SEMA3A: variants seen among roughly 807,000 people sequenced by gnomAD.
SEMA3A encodes semaphorin-3A.
SEMA3A carries 29 observed loss-of-function variants against 97.9 expected under a neutral mutation model. That is an observed-to-expected ratio of 0.30 (90% CI 0.22 to 0.40). The LOEUF (loss-of-function observed/expected upper bound fraction) is 0.40, where lower values mean the gene tolerates loss of function less well. Ranked by LOEUF, SEMA3A falls within the 10% of genes least tolerant of loss-of-function variation. The pLI is 1.00. For synonymous variants in SEMA3A, 321 were observed against 323.7 expected (o/e 0.99, Z 0.09); for missense variants, 763 against 951.3 (o/e 0.80, Z 2.60).
intron 2 of SEMA3A, among the ~76,000 whole-genome samples, chr7:84,364,319 G>A (rs1278274733): frequency 6.6e-6 from 1 of 151,356 alleles, no homozygotes; most frequent in Non-Finnish European, 1.5e-5. Flanking sequence ...TTGTACATTG[G>A]CCTTAAAGAA....
chr7:83,974,621 A>G (rs535165289), intron 15 of SEMA3A, among the ~76,000 whole-genome samples: 1 of 152,242 alleles, frequency 6.6e-6, no homozygotes, highest in East Asian at 1.9e-4. Flanking sequence ...ATTTTTGCCC[A>G]TTTTACTTTC....
chr7:84,314,159 C>T (rs139779811), intron 2 of SEMA3A, among the ~76,000 whole-genome samples: 1 of 152,054 alleles, frequency 6.6e-6, no homozygotes, highest in African/African-American at 2.4e-5. Flanking sequence ...TAAAATTGGT[C>T]TATATCCTAG....
intron 3 of SEMA3A, among the ~76,000 whole-genome samples, chr7:84,225,974 C>T (rs1008455300): frequency 8.6e-5 from 13 of 151,946 alleles, no homozygotes; most frequent in African/African-American, 2.9e-4. Flanking sequence ...GTAAATTTCC[C>T]CTGAGAGCAC....
intron 3 of SEMA3A, among the ~76,000 whole-genome samples, chr7:84,295,403 G>T (rs1269484935): frequency 6.6e-6 from 1 of 151,848 alleles, no homozygotes; most frequent in Non-Finnish European, 1.5e-5. Context: ...TCTTTTGCTT[G>T]GGGCAAAATT....
intron 1 of SEMA3A, among the ~76,000 whole-genome samples, chr7:84,164,273 C>T (rs916772814): frequency 8.6e-5 from 13 of 152,010 alleles, no homozygotes; most frequent in Admixed American, 7.2e-4. Context: ...AATGCATTGC[C>T]GTGACTTATC....
rs191424570 is a variant in SEMA3A at position 84,274,974 on chromosome 7, G to T, written c.-83+32233C>A. Among the ~76,000 whole-genome samples, 454 of 151,994 alleles carry T rather than the reference G, an allele frequency of 3.0e-3. 2 individuals are homozygous for T. The highest frequency in any genetic ancestry group is 9.9e-3 in the African/African-American group (412 of 41,472). ...GCCAAGTCCACCATGAACTATAGGGGTGTTAATCCACATTTCCAGTAGATA... is the reference window on the plus strand; with the variant it reads ...GCCAAGTCCACCATGAACTATAGGGTTGTTAATCCACATTTCCAGTAGATA... On this transcript the variant is annotated intron_variant, in intron 3 of 3. Coordinates refer to the SEMA3A transcript ENST00000424555.
chr7:84,339,029 C>T (rs1802099453), intron 2 of SEMA3A, among the ~76,000 whole-genome samples: 2 of 152,088 alleles, frequency 1.3e-5, no homozygotes. Flanking sequence ...GTTCCATTCT[C>T]CAATTTGGTA....
chr7:84,060,225 G>T (rs917669366), intron 5 of SEMA3A, among the ~76,000 whole-genome samples: 1 of 152,176 alleles, frequency 6.6e-6, no homozygotes. Flanking sequence ...CATAGTAATT[G>T]AGAGGCCATT....
intron 1 of SEMA3A, among the ~76,000 whole-genome samples, chr7:84,392,229 G>GACAA (rs1040313824): frequency 2.0e-5 from 3 of 152,108 alleles, no homozygotes; most frequent in African/African-American, 7.2e-5. Flanking sequence ...TTACACCTTT[G>GACAA]ATTATCATCT....
chr7:84,290,970 A>G (rs1800727463), intron 3 of SEMA3A, among the ~76,000 whole-genome samples: 1 of 152,122 alleles, frequency 6.6e-6, no homozygotes, highest in Admixed American at 6.6e-5. Flanking sequence ...GAGAGCTAAC[A>G]TTTCTGATAA....
chr7:84,087,254 T>A (rs1409590348), intron 4 of SEMA3A, among the ~76,000 whole-genome samples: 1 of 152,194 alleles, frequency 6.6e-6, no homozygotes, highest in Non-Finnish European at 1.5e-5. Context: ...ATTAGAAGTG[T>A]GATTTTGTGT....
At chr7:84,365,183 T>C (rs1475776948) in intron 2 of SEMA3A, among the ~76,000 whole-genome samples, 1 of 151,636 alleles carries the variant, frequency 6.6e-6, no homozygotes, top group East Asian at 1.9e-4. Flanking sequence ...TAAATGATGT[T>C]GTGACAAGGA....
chr7:84,414,415 A>G (rs1291127590), intron 1 of SEMA3A, among the ~76,000 whole-genome samples: 1 of 151,552 alleles, frequency 6.6e-6, no homozygotes, highest in East Asian at 1.9e-4. Context: ...AAAAAACAGT[A>G]TTGTTATGTA....
chr7:84,362,137 G>A (rs553576765), intron 2 of SEMA3A, among the ~76,000 whole-genome samples: 4 of 151,838 alleles, frequency 2.6e-5, no homozygotes, highest in Non-Finnish European at 4.4e-5. Context: ...TTGGCCAGTC[G>A]TGGTGGCTCA....
chr7:84,285,970 CAAA>C (rs564063430), intron 3 of SEMA3A, among the ~76,000 whole-genome samples: 2 of 70,148 alleles, frequency 2.9e-5, no homozygotes, highest in African/African-American at 4.5e-5. Flanking sequence ...GACCCCATCT[CAAA>C]AAAAAAAAAA....
At chr7:84,091,464 A>G (rs374432000) in intron 4 of SEMA3A, among the ~76,000 whole-genome samples, 31 of 152,230 alleles carry the variant, frequency 2.0e-4, no homozygotes, top group African/African-American at 7.5e-4. Flanking sequence ...TAAATGCCAA[A>G]CTAAAATAGC....
At chr7:84,416,590 T>C (rs927375662) in intron 1 of SEMA3A, among the ~76,000 whole-genome samples, 1 of 152,146 alleles carries the variant, frequency 6.6e-6, no homozygotes, top group African/African-American at 2.4e-5. Context: ...ATCCATAAAA[T>C]GCAGTTGTAT....
intron 15 of SEMA3A, among the ~76,000 whole-genome samples, chr7:83,975,567 A>G (rs574036655): frequency 5.8e-4 from 88 of 152,272 alleles, no homozygotes; most frequent in African/African-American, 2.1e-3. Flanking sequence ...TAGATCATTC[A>G]GTCATTCAAC....
intron 3 of SEMA3A, among the ~76,000 whole-genome samples, chr7:84,287,767 G>A (rs1800627605): frequency 6.6e-6 from 1 of 151,992 alleles, no homozygotes; most frequent in Non-Finnish European, 1.5e-5. Flanking sequence ...AATGCTGTTC[G>A]TTTACAACTG....
Sources: allele counts gnomAD v4.1 joint callset (sites outside exome capture counted in the v4.1 genomes callset), GRCh38; gene constraint gnomAD v4.1.1; transcripts MANE v1.5; gene names NCBI Gene and HGNC (gene_info 2026-07-23, HGNC 2026-07-21).